Variants in SGCZ observed in about 807,000 individuals in gnomAD.
SGCZ encodes sarcoglycan zeta, also known as zeta-sarcoglycan.
In SGCZ, 40 loss-of-function variants were observed where a neutral mutation model predicts 41.3. That is an observed-to-expected ratio of 0.97 (90% CI 0.75 to 1.26). The LOEUF (loss-of-function observed/expected upper bound fraction) is 1.26, where lower values mean the gene tolerates loss of function less well. Ranked by LOEUF, SGCZ falls within the 50% of genes most tolerant of loss-of-function variation. The probability of loss-of-function intolerance (pLI) is 0.00; values close to 1 mark genes in which losing one functional copy is unlikely to be tolerated. For missense variants in SGCZ, 552 were observed against 369.8 expected (o/e 1.49, Z -4.04); for synonymous variants, 206 against 137.5 (o/e 1.50, Z -3.49).
intron 7 of SGCZ, among the ~76,000 whole-genome samples, chr8:14,092,643 A>T (rs1479901493): frequency 1.3e-5 from 2 of 151,866 alleles, no homozygotes; most frequent in African/African-American, 4.8e-5. Flanking sequence ...ACAAGATCTG[A>T]TGGTTTTATA....
chr8:15,213,706 G>A (rs992348274), intron 1 of SGCZ, among the ~76,000 whole-genome samples: 2 of 151,558 alleles, frequency 1.3e-5, no homozygotes, highest in African/African-American at 4.8e-5. Flanking sequence ...TAGCAAAAAA[G>A]TGAAAAGATA....
intron 1 of SGCZ, among the ~76,000 whole-genome samples, chr8:14,645,076 T>G (rs1807163605): frequency 1.3e-5 from 2 of 151,702 alleles, no homozygotes; most frequent in Non-Finnish European, 2.9e-5. Flanking sequence ...AATTTTTATA[T>G]TTGGCAAGCA....
At chr8:15,021,341 G>T (rs1585481335) in intron 1 of SGCZ, among the ~76,000 whole-genome samples, 1 of 152,250 alleles carries the variant, frequency 6.6e-6, no homozygotes, top group East Asian at 1.9e-4. Flanking sequence ...ATATTGCCTT[G>T]TATCTTCTGA....
intron 1 of SGCZ, among the ~76,000 whole-genome samples, chr8:14,616,271 AGACTCT>A (rs756517502): frequency 1.4e-5 from 2 of 143,994 alleles, no homozygotes; most frequent in Non-Finnish European, 3.0e-5. Context: ...CCACAGAGCG[AGACTCT>A]GTCTCAAAAA....
intron 3 of SGCZ, among the ~76,000 whole-genome samples, chr8:14,261,132 G>A (rs1799652094): frequency 6.6e-6 from 1 of 151,800 alleles, no homozygotes; most frequent in African/African-American, 2.4e-5. Context: ...ACACATTTTT[G>A]CAATATAAAA....
intron 4 of SGCZ, among the ~76,000 whole-genome samples, chr8:14,223,486 CA>C (rs1806272292): frequency 6.6e-6 from 1 of 151,982 alleles, no homozygotes; most frequent in African/African-American, 2.4e-5. Flanking sequence ...TAATAGAATT[CA>C]ATTTACTACT....
intron 1 of SGCZ, among the ~76,000 whole-genome samples, chr8:15,211,676 C>T (rs926602267): frequency 2.0e-4 from 30 of 152,108 alleles, no homozygotes; most frequent in Admixed American, 1.7e-3. Context: ...TCTCTAGATC[C>T]TATTATCGCC....
intron 1 of SGCZ, among the ~76,000 whole-genome samples, chr8:14,982,167 A>C (rs1227769897): frequency 6.6e-6 from 1 of 152,080 alleles, no homozygotes; most frequent in East Asian, 1.9e-4. Context: ...CAAAAAAAAA[A>C]AAAAAGGAAA....
In SGCZ at chr8:14,418,495, T is replaced by C. The variant is rs147340900; in HGVS notation, c.235-94291A>G. Among the ~76,000 whole-genome samples the C allele has an allele frequency of 2.4e-4, 36 of 152,046 alleles. No homozygotes were observed. In the East Asian group the frequency reaches 5.6e-3, roughly 24 times the overall value. ...ATTACACATTTCTGAAAAACTGCTTTTATAGAAAGGAAATTATATTTTATC... is the reference window on the plus strand; with the variant it reads ...ATTACACATTTCTGAAAAACTGCTTCTATAGAAAGGAAATTATATTTTATC... On this transcript the variant is annotated intron_variant, in intron 2 of 7. Transcript: ENST00000382080.
intron 1 of SGCZ, among the ~76,000 whole-genome samples, chr8:14,598,573 C>G (rs1470378104): frequency 6.6e-6 from 1 of 151,634 alleles, no homozygotes; most frequent in Non-Finnish European, 1.5e-5. Context: ...TGTAGCCAGG[C>G]TGGAGTGCAG....
chr8:14,433,878 G>A (rs575054899), intron 2 of SGCZ, among the ~76,000 whole-genome samples: 1 of 152,158 alleles, frequency 6.6e-6, no homozygotes, highest in African/African-American at 2.4e-5. Flanking sequence ...TGAGAATGAT[G>A]TTAATGTCAC....
intron 2 of SGCZ, among the ~76,000 whole-genome samples, chr8:14,428,354 C>G (rs1229403148): frequency 1.3e-5 from 2 of 151,976 alleles, no homozygotes; most frequent in East Asian, 3.9e-4. Context: ...TGCTTTTCAA[C>G]TCAGACGGGA....
At chr8:14,674,716 T>C (rs1181584437) in intron 1 of SGCZ, among the ~76,000 whole-genome samples, 1 of 151,860 alleles carries the variant, frequency 6.6e-6, no homozygotes, top group Non-Finnish European at 1.5e-5. Context: ...CCCTTTGTAT[T>C]GTCCTTGAAA....
chr8:15,064,755 A>T (rs1320084412), intron 1 of SGCZ, among the ~76,000 whole-genome samples: 3 of 152,034 alleles, frequency 2.0e-5, no homozygotes, highest in Non-Finnish European at 4.4e-5. Flanking sequence ...GATCAGTGAG[A>T]TAGATTTGAA....
At chr8:14,315,657 TA>T (rs1160760430) in intron 3 of SGCZ, among the ~76,000 whole-genome samples, 1 of 152,014 alleles carries the variant, frequency 6.6e-6, no homozygotes, top group African/African-American at 2.4e-5. Flanking sequence ...AAACACTTGA[TA>T]ATAACTTCAA....
intron 1 of SGCZ, among the ~76,000 whole-genome samples, chr8:14,567,961 G>A (rs529396248): frequency 1.1e-3 from 161 of 152,228 alleles, no homozygotes; most frequent in African/African-American, 3.6e-3. Flanking sequence ...GAACTATAAC[G>A]CTCACCGCGA....
chr8:14,225,515 A>G (rs1049188631), intron 4 of SGCZ, among the ~76,000 whole-genome samples: 1 of 152,120 alleles, frequency 6.6e-6, no homozygotes, highest in Non-Finnish European at 1.5e-5. Flanking sequence ...AATCAACATG[A>G]TAGTCAGGTG....
At chr8:14,660,630 G>A (rs1194324050) in intron 1 of SGCZ, among the ~76,000 whole-genome samples, 3 of 148,454 alleles carry the variant, frequency 2.0e-5, no homozygotes, top group Non-Finnish European at 3.0e-5. Context: ...TCATTTAATA[G>A]AGGCTTCAGG....
chr8:15,040,844 G>C (rs1225128912), intron 1 of SGCZ, among the ~76,000 whole-genome samples: 4 of 152,036 alleles, frequency 2.6e-5, no homozygotes, highest in African/African-American at 9.7e-5. Context: ...ACCTATCAAA[G>C]TCAGGATGTA....
Sources: allele counts gnomAD v4.1 joint callset (sites outside exome capture counted in the v4.1 genomes callset), GRCh38; gene constraint gnomAD v4.1.1; transcripts MANE v1.5; gene names NCBI Gene and HGNC (gene_info 2026-07-23, HGNC 2026-07-21).